EIF2AK4: variants seen among roughly 807,000 people sequenced by gnomAD.
The protein encoded by EIF2AK4 is eIF-2-alpha kinase GCN2.
In EIF2AK4, 139 loss-of-function variants were observed where a neutral mutation model predicts 211.1. The ratio of observed to expected loss-of-function variants is 0.66; its 90% CI spans 0.57 to 0.76. The LOEUF (loss-of-function observed/expected upper bound fraction) is 0.76. EIF2AK4 is among the 30% of genes least tolerant of loss of function. EIF2AK4 has a pLI of 0.00. For synonymous variants in EIF2AK4, 710 were observed against 751.3 expected (o/e 0.94, Z 0.90); for missense variants, 1,664 against 2,043.8 (o/e 0.81, Z 3.58).
intron 18 of EIF2AK4, 77 bp downstream of exon 18, chr15:39,992,925 T>C (rs2034965258): frequency 1.4e-6 from 2 of 1,388,208 alleles, no homozygotes; most frequent in Non-Finnish European, 2.0e-6. Flanking sequence ...TGGGATTTAG[T>C]CCCGGCTAAA....
In EIF2AK4 at chr15:40,017,172, T is replaced by C; in HGVS notation, c.3995T>C (p.Val1332Ala). The change falls in exon 29 of 39, where the codon GTG becomes GCG. Residue 1332 changes from valine to alanine, a missense_variant. Coordinates refer to ENST00000263791, the MANE Select transcript of EIF2AK4 (RefSeq NM_001013703.4). ...CACAATGGAATCATCTTCCAGTTTG[T>C]GGCTTTCATCAAACGAAGGCAAAGG... ...QQHNGIIFQF[V>A]AFIKRRQRAV... is the part of the protein sequence containing the mutation. 4 of 1,614,088 alleles carry C rather than the reference T, an allele frequency of 2.5e-6. No homozygotes were observed. Among genetic ancestry groups the C allele is most frequent in the Non-Finnish European group, 1.7e-6 (2 of 1,179,926 alleles).
At chr15:39,951,357 A>T (rs1024176619) in intron 4 of EIF2AK4, 3 of 217,592 alleles carry the variant, frequency 1.4e-5, no homozygotes, top group African/African-American at 7.1e-5. Flanking sequence ...CGCCCGACCC[A>T]CAGTGGATTC....
At chr15:39,952,948 A>G (rs915544488) in intron 4 of EIF2AK4, among the ~76,000 whole-genome samples, 2 of 152,156 alleles carry the variant, frequency 1.3e-5, no homozygotes, top group African/African-American at 4.8e-5. Context: ...CTCAGGTTCA[A>G]GCAATTCTCC....
intron 4 of EIF2AK4, chr15:39,951,460 G>A: frequency 2.5e-6 from 1 of 400,632 alleles, no homozygotes; most frequent in African/African-American, 2.1e-5. Context: ...ATACAGGTTG[G>A]TGTTTTCAAA....
In EIF2AK4 at chr15:40,001,212, C is replaced by T. The variant is rs61730023; in HGVS notation, c.3147C>T (p.Ser1049=). The change falls in exon 21 of 39, where the codon AGC becomes AGT. Residue 1049 remains serine, a synonymous_variant. Transcript: ENST00000263791. ...CTGCCATCGATTACACCTATGACAG[C>T]GACATACTGAAGGTGGGCTTAAGCC... ...ISPAIDYTYD[S]DILKGNFSIR... 6.4e-4 allele frequency: 1,034 copies of T among 1,613,152 alleles called. 6 individuals are homozygous for T. The African/African-American group carries it at 0.012, about 19-fold the overall frequency.
At chr15:39,934,782 C>G (rs1423722879) in intron 1 of EIF2AK4, among the ~76,000 whole-genome samples, 1 of 152,228 alleles carries the variant, frequency 6.6e-6, no homozygotes, top group Non-Finnish European at 1.5e-5. Flanking sequence ...ATTCTCAAGT[C>G]TCATCCATGC....
intron 30 of EIF2AK4, among the ~76,000 whole-genome samples, chr15:40,020,272 G>C (rs2035365489): frequency 6.6e-6 from 1 of 151,204 alleles, no homozygotes; most frequent in African/African-American, 2.4e-5. Context: ...AGTTTTCCTA[G>C]AGAAAAATGG....
intron 33 of EIF2AK4, among the ~76,000 whole-genome samples, chr15:40,027,532 G>T (rs1442049535): frequency 6.6e-6 from 1 of 152,138 alleles, no homozygotes; most frequent in African/African-American, 2.4e-5. Flanking sequence ...CTTTAAAAAT[G>T]ATGATTCTAC....
intron 9 of EIF2AK4, among the ~76,000 whole-genome samples, chr15:39,970,678 G>A (rs1469676596): frequency 6.6e-6 from 1 of 152,150 alleles, no homozygotes. Context: ...GTATGTTTAT[G>A]TGTATAAATG....
Position 39,953,920 on chromosome 15 carries a change from A to G in EIF2AK4, c.530A>G (p.His177Arg). Residue 177 changes from histidine to arginine, a missense_variant, in exon 5 of 39, where the codon CAT (histidine) becomes CGT (arginine). This residue lies in a region of EIF2AK4 where 641 missense variants were observed against 729.6 expected (regional missense o/e 0.88). Coordinates refer to ENST00000263791, the MANE Select transcript of EIF2AK4 (RefSeq NM_001013703.4). Reference protein sequence around the residue: ...KEEQEQREILHEIQRRKEEIK... With the variant: ...KEEQEQREILREIQRRKEEIK... ...TTATTTCAGCAACGTGAAATCCTGC[A>G]TGAGATTCAGAGAAGGAAAGAAGAG... is the stretch of plus-strand genomic sequence containing the variant. The G allele has an allele frequency of 1.2e-6, 2 of 1,612,192 alleles. No individual in the cohort carries two copies. Among genetic ancestry groups the G allele is most frequent in the Non-Finnish European group, 1.7e-6 (2 of 1,179,746 alleles).
At chr15:39,952,319 C>T (rs552251) in intron 4 of EIF2AK4, among the ~76,000 whole-genome samples, 46,404 of 147,420 alleles carry the variant, frequency 0.31, 7,552 homozygotes, top group African/African-American at 0.4. Context: ...GAGACAGCAT[C>T]GTGCTCTGTC....
chr15:40,022,534 C>T lies in EIF2AK4; in HGVS notation c.4318C>T (p.Gln1440Ter). 6.2e-7 allele frequency: 1 copy of T among 1,614,006 alleles called. No individual in the cohort carries two copies. Among genetic ancestry groups the T allele is most frequent in the Non-Finnish European group, 8.5e-7 (1 of 1,179,932 alleles). Residue 1440 changes from glutamine to a stop codon, truncating the protein, a stop_gained, in exon 32 of 39, where the codon CAA becomes TAA. Coordinates refer to ENST00000263791, the MANE Select transcript of EIF2AK4 (RefSeq NM_001013703.4). LOFTEE classifies it high-confidence loss of function. ...TTTGTTTCAGTCCCAAGAGGAATTA[C>T]AAGAGTACTGCAGACATCATGAAAT... is the stretch of plus-strand genomic sequence containing the variant. ...YDWSQSQEEL[Q>*]EYCRHHEITY...
At chr15:39,972,763 C>T in intron 9 of EIF2AK4, 145 bp from the exon 10 acceptor site, 3 of 624,710 alleles carry the variant, frequency 4.8e-6, no homozygotes, top group Non-Finnish European at 8.4e-6. Context: ...TTTAAATTCA[C>T]CTATGAGAGT....
intron 9 of EIF2AK4, among the ~76,000 whole-genome samples, chr15:39,970,605 A>G (rs2034610071): frequency 6.6e-6 from 1 of 152,198 alleles, no homozygotes; most frequent in African/African-American, 2.4e-5. Flanking sequence ...GCTGAAGAAT[A>G]ATGTATATAA....
chr15:40,021,506 C>G (rs1367503474), intron 31 of EIF2AK4: 1 of 152,628 alleles, frequency 6.6e-6, no homozygotes, highest in Non-Finnish European at 1.5e-5. Flanking sequence ...CCAGATAATC[C>G]TGGTTGATCA....
intron 4 of EIF2AK4, among the ~76,000 whole-genome samples, chr15:39,950,639 A>C (rs551337951): frequency 1.3e-5 from 2 of 152,114 alleles, no homozygotes; most frequent in African/African-American, 2.4e-5. Flanking sequence ...GAATGGGTGT[A>C]ATCTACTGTA....
intron 34 of EIF2AK4, 120 bp from the exon 35 acceptor site, chr15:40,030,239 T>G: frequency 2.0e-6 from 2 of 994,834 alleles, no homozygotes; most frequent in Non-Finnish European, 3.0e-6. Flanking sequence ...AGCCCAGTCG[T>G]GATCTAGCCC....
chr15:39,941,588 T>C (rs2034145698), intron 2 of EIF2AK4, among the ~76,000 whole-genome samples: 1 of 152,198 alleles, frequency 6.6e-6, no homozygotes, highest in South Asian at 2.1e-4. Flanking sequence ...ATATAAGTGC[T>C]AAAATATTAA....
At chr15:39,944,567 G>A (rs1395938186) in intron 3 of EIF2AK4, among the ~76,000 whole-genome samples, 2 of 151,726 alleles carry the variant, frequency 1.3e-5, no homozygotes, top group Non-Finnish European at 2.9e-5. Context: ...GAGTAGCTGG[G>A]ACTACAGGCA....
Sources: allele counts gnomAD v4.1 joint callset (sites outside exome capture counted in the v4.1 genomes callset), GRCh38; gene constraint gnomAD v4.1.1; regional missense constraint gnomAD v4.1.1; transcripts MANE v1.5; gene names NCBI Gene and HGNC (gene_info 2026-07-23, HGNC 2026-07-21).